The following MED12L variants were observed in gnomAD, a reference collection of about 807,000 sequenced individuals.
MED12L encodes the protein mediator complex subunit 12L.
MED12L carries 60 observed loss-of-function variants against 281.3 expected under a neutral mutation model. The observed-to-expected ratio is 0.21, with a 90% CI of 0.17 to 0.26. MED12L has a LOEUF of 0.26. Ranked by LOEUF, MED12L falls within the 10% of genes least tolerant of loss-of-function variation. MED12L has a pLI of 1.00. For synonymous variants in MED12L, 974 were observed against 987.2 expected (o/e 0.99, Z 0.25); for missense variants, 2,146 against 2,680.9 (o/e 0.80, Z 4.41).
intron 2 of MED12L, among the ~76,000 whole-genome samples, chr3:151,088,045 A>C (rs527542584): frequency 1.3e-5 from 2 of 152,326 alleles, no homozygotes; most frequent in East Asian, 1.9e-4. Flanking sequence ...TTGTGGGCCC[A>C]CTGATAGCAC....
chr3:151,204,816 A>G (rs1726130151), intron 16 of MED12L, among the ~76,000 whole-genome samples: 1 of 152,112 alleles, frequency 6.6e-6, no homozygotes, highest in African/African-American at 2.4e-5. Flanking sequence ...TGCTTTTTTT[A>G]GTTAGGTCTC....
intron 16 of MED12L, among the ~76,000 whole-genome samples, chr3:151,202,836 T>C (rs553909380): frequency 6.6e-6 from 1 of 152,320 alleles, no homozygotes; most frequent in East Asian, 1.9e-4. Flanking sequence ...CACCCAGTTA[T>C]AAGATTGAGT....
At chr3:151,134,995 T>TA (rs1306148111) in intron 5 of MED12L, among the ~76,000 whole-genome samples, 26 of 152,170 alleles carry the variant, frequency 1.7e-4, no homozygotes, top group African/African-American at 5.6e-4. Context: ...TTCTTGTCTG[T>TA]AAAAAAATAA....
chr3:151,117,431 A>G (rs1313642309), intron 3 of MED12L, among the ~76,000 whole-genome samples: 1 of 152,094 alleles, frequency 6.6e-6, no homozygotes, highest in East Asian at 1.9e-4. Flanking sequence ...GTGGACAGAG[A>G]TGGGACACAT....
chr3:151,377,017 C>A lies in MED12L; in HGVS notation c.4155C>A (p.Asn1385Lys), dbSNP rs987898386. 4 of 1,613,872 alleles carry A rather than the reference C, an allele frequency of 2.5e-6. No homozygotes were observed. The highest frequency in any genetic ancestry group is 3.4e-6 in the Non-Finnish European group (4 of 1,179,876). Reference sequence around the variant, plus strand: ...GCTCTGGTTCTGTGGCCGAAATGAACAACTTACTGGACAATATTGCAAAGG... The same window carrying A: ...GCTCTGGTTCTGTGGCCGAAATGAAAAACTTACTGGACAATATTGCAAAGG... ...DPGSGSVAEMNNLLDNIAKAT... is the reference protein window; with the variant it reads ...DPGSGSVAEMKNLLDNIAKAT... The change falls in exon 30 of 45, where the codon AAC (asparagine) becomes AAA (lysine). Residue 1385 changes from asparagine to lysine, a missense_variant. Physicochemically the swap from Asn to Lys is moderately conservative, Grantham distance 94. This residue lies in a region of MED12L where 235 missense variants were observed against 260.3 expected (regional missense o/e 0.90). Coordinates refer to ENST00000687756, the MANE Select transcript of MED12L (RefSeq NM_001393769.1).
chr3:151,162,348 A>C (rs1720106792), intron 8 of MED12L, among the ~76,000 whole-genome samples: 1 of 152,188 alleles, frequency 6.6e-6, no homozygotes, highest in Admixed American at 6.5e-5. Context: ...TGTATCTGCT[A>C]TCTGGTTTCC....
chr3:151,384,454 C>G, intron 35 of MED12L, among the ~76,000 whole-genome samples: 1 of 152,020 alleles, frequency 6.6e-6, no homozygotes, highest in East Asian at 1.9e-4. Flanking sequence ...TTTTAAAGAA[C>G]TTTAGAAATC....
intron 20 of MED12L, among the ~76,000 whole-genome samples, chr3:151,359,172 A>G (rs1221976202): frequency 1.3e-5 from 2 of 152,070 alleles, no homozygotes; most frequent in Non-Finnish European, 2.9e-5. Context: ...TACAGTGAGA[A>G]TATGTGCTTG....
intron 2 of MED12L, among the ~76,000 whole-genome samples, chr3:151,106,233 CTTCCTTTCCT>C (rs574571446): frequency 7.2e-6 from 1 of 139,346 alleles, no homozygotes; most frequent in Non-Finnish European, 1.6e-5. Context: ...TCCTTCCTTC[CTTCCTTTCCT>C]TTCCTTTCCT....
intron 16 of MED12L, among the ~76,000 whole-genome samples, chr3:151,237,193 C>T (rs370542645): frequency 5.3e-5 from 8 of 151,806 alleles, no homozygotes; most frequent in African/African-American, 1.7e-4. Flanking sequence ...TGCATGCCAC[C>T]ACGCCCAGCT....
rs1440199527 is a variant in MED12L, at chr3:151,434,299, C to T, written c.*1495C>T. 3 of 152,052 alleles carry T rather than the reference C, an allele frequency of 2.0e-5. No homozygotes were observed. The highest frequency in any genetic ancestry group is 4.4e-5 in the Non-Finnish European group (3 of 68,022). 9.4% of individuals were successfully genotyped at this position (152,052 alleles called of 1,614,324 possible). On this transcript the variant is annotated 3_prime_UTR_variant, in exon 45 of 45. Transcript: ENST00000687756. ...ATCATTATCTATAAATAATTTATAT[C>T]TTCCTGGGTGAGTTACTCATTGCAA...
chr3:151,386,420 C>T lies in MED12L; in HGVS notation c.5088+1229C>T, dbSNP rs947915927. ...ATTTATATTTTTTGAGATGGAATCT[C>T]GCTCTGTCGCCCAGGCTGGAGTGCA... is the stretch of plus-strand genomic sequence containing the variant. On this transcript the variant is annotated intron_variant, in intron 36 of 44. Transcript: ENST00000687756. Among the ~76,000 whole-genome samples the T allele has an allele frequency of 6.6e-5, 10 of 152,224 alleles. No homozygotes were observed. The East Asian group carries it at 1.4e-3, about 21-fold the overall frequency.
At chr3:151,371,920 C>G (rs1756235278) in intron 26 of MED12L, among the ~76,000 whole-genome samples, 1 of 152,186 alleles carries the variant, frequency 6.6e-6, no homozygotes. Context: ...TCCTTAGCTT[C>G]ATTTCACTAA....
intron 16 of MED12L, among the ~76,000 whole-genome samples, chr3:151,253,467 A>G (rs972727276): frequency 1.1e-4 from 17 of 152,256 alleles, no homozygotes; most frequent in Admixed American, 9.8e-4. Flanking sequence ...GCCGTTTCCT[A>G]AGCCTGGCAT....
At chr3:151,175,780 T>A (rs1721966805) in intron 11 of MED12L, among the ~76,000 whole-genome samples, 1 of 152,186 alleles carries the variant, frequency 6.6e-6, no homozygotes, top group Non-Finnish European at 1.5e-5. Flanking sequence ...ATGTGGCAAA[T>A]CCCCCGATGT....
intron 16 of MED12L, among the ~76,000 whole-genome samples, chr3:151,312,993 T>C (rs1445105688): frequency 6.6e-6 from 1 of 152,214 alleles, no homozygotes; most frequent in East Asian, 1.9e-4. Context: ...TGAAAAAACC[T>C]GAGGCTTAGA....
chr3:151,279,040 T>C (rs1742372790), intron 16 of MED12L, among the ~76,000 whole-genome samples: 1 of 152,242 alleles, frequency 6.6e-6, no homozygotes, highest in Non-Finnish European at 1.5e-5. Context: ...GGCTCTGTAA[T>C]ATAATTGGTG....
intron 36 of MED12L, 54 bp downstream of exon 36, chr3:151,385,245 C>T: frequency 1.1e-6 from 1 of 944,738 alleles, no homozygotes; most frequent in Non-Finnish European, 1.6e-6. Flanking sequence ...AGATGAAATA[C>T]TTTTTTTTGT....
At chr3:151,145,190 AC>A (rs1717601539) in intron 5 of MED12L, among the ~76,000 whole-genome samples, 1 of 152,182 alleles carries the variant, frequency 6.6e-6, no homozygotes, top group Admixed American at 6.5e-5. Context: ...CAGGGCAGGA[AC>A]CAGGCCAGCT....
Sources: allele counts gnomAD v4.1 joint callset (sites outside exome capture counted in the v4.1 genomes callset), GRCh38; gene constraint gnomAD v4.1.1; regional missense constraint gnomAD v4.1.1; transcripts MANE v1.5; gene names NCBI Gene and HGNC (gene_info 2026-07-23, HGNC 2026-07-21).